Variants in CTNNA3 observed in about 807,000 individuals in gnomAD.
CTNNA3 encodes catenin alpha-3.
A neutral mutation model predicts 95.7 loss-of-function variants in CTNNA3; 76 were observed. That is an observed-to-expected ratio of 0.79 (90% confidence interval 0.66 to 0.96). The LOEUF is 0.96. CTNNA3 is among the 40% of genes least tolerant of loss of function. The pLI is 0.00. For synonymous variants in CTNNA3, 431 were observed against 374.4 expected, an observed-to-expected ratio of 1.15 and a Z score of -1.74; for missense variants, 1,191 against 1,089.8, an observed-to-expected ratio of 1.09 and a Z score of -1.31.
intron 3 of CTNNA3, among the ~76,000 whole-genome samples, chr10:67,598,489 T>C (rs1842989799): frequency 6.6e-6 from 1 of 151,922 alleles, no homozygotes; most frequent in South Asian, 2.1e-4. Context: ...TTCAATGCCT[T>C]CCTTCCGAAG....
intron 9 of CTNNA3, among the ~76,000 whole-genome samples, chr10:66,709,622 T>C (rs1012118238): frequency 6.6e-5 from 10 of 152,146 alleles, no homozygotes; most frequent in African/African-American, 2.4e-4. Context: ...CTTCACTCAC[T>C]TATATTGATT....
At chr10:67,069,631 T>C (rs1279671066) in intron 7 of CTNNA3, among the ~76,000 whole-genome samples, 1 of 129,626 alleles carries the variant, frequency 7.7e-6, no homozygotes, top group Non-Finnish European at 1.6e-5. Context: ...ATACATAGAT[T>C]AGTTCTGTCT....
rs544282940 is a variant in CTNNA3, at chr10:67,330,791, C to T, written c.580-110921G>A. On this transcript the variant is annotated intron_variant, in intron 5 of 17. Transcript: ENST00000433211. ...GATCACTCCCCAAACCTTCCTCAGA[C>T]GATACCTGGGATAAACTGGTATTTC... Among the ~76,000 whole-genome samples the T allele has an allele frequency of 2.0e-5, 3 of 152,058 alleles. No homozygotes were observed. In the South Asian group the frequency reaches 6.2e-4, roughly 32 times the overall value.
chr10:66,894,746 A>T (rs1845406719), intron 7 of CTNNA3, among the ~76,000 whole-genome samples: 1 of 151,968 alleles, frequency 6.6e-6, no homozygotes, highest in Admixed American at 6.6e-5. Flanking sequence ...ATTTTTTCAA[A>T]GCACAACAAG....
chr10:66,884,478 C>A (rs927039093), intron 7 of CTNNA3, among the ~76,000 whole-genome samples: 1 of 152,066 alleles, frequency 6.6e-6, no homozygotes, highest in Admixed American at 6.6e-5. Flanking sequence ...ATTTCACAAA[C>A]CCCATGGGGA....
intron 5 of CTNNA3, among the ~76,000 whole-genome samples, chr10:67,515,821 G>A (rs1235531378): frequency 6.6e-6 from 1 of 152,186 alleles, no homozygotes; most frequent in Admixed American, 6.5e-5. Context: ...GGTCACTGAA[G>A]TTAATCCATG....
intron 7 of CTNNA3, among the ~76,000 whole-genome samples, chr10:67,052,406 T>C (rs1297717806): frequency 1.3e-5 from 2 of 151,814 alleles, no homozygotes; most frequent in Non-Finnish European, 2.9e-5. Flanking sequence ...TGGGCTTCAC[T>C]AGGCTGTCCC....
chr10:67,158,293 G>A (rs1861394925), intron 7 of CTNNA3, among the ~76,000 whole-genome samples: 1 of 152,012 alleles, frequency 6.6e-6, no homozygotes, highest in East Asian at 1.9e-4. Flanking sequence ...AATACTATAG[G>A]CCTGGCACTT....
At chr10:67,318,938 C>A (rs968222169) in intron 5 of CTNNA3, among the ~76,000 whole-genome samples, 2 of 152,234 alleles carry the variant, frequency 1.3e-5, no homozygotes, top group African/African-American at 4.8e-5. Context: ...TGGCTGGCAT[C>A]TAGAAACTTG....
intron 5 of CTNNA3, among the ~76,000 whole-genome samples, chr10:67,289,373 T>C (rs1839738858): frequency 6.6e-6 from 1 of 152,162 alleles, no homozygotes; most frequent in Admixed American, 6.5e-5. Context: ...ACATAAATTA[T>C]CTTAGTAAAT....
rs1201335703 is a variant in CTNNA3, at chr10:66,685,193, G to GTA, written c.1282-63411_1282-63410dup. 4.9e-4 allele frequency among the ~76,000 whole-genome samples: 37 copies of GTA among 75,740 alleles called. 1 individual carries two copies. Among genetic ancestry groups the GTA allele is most frequent in the South Asian group, 2.4e-3 (5 of 2,076 alleles). The allele number at this position is 75,740 out of a possible 152,430, so 49.7% of individuals were successfully genotyped here. A position where few individuals can be genotyped will look rare whatever the true frequency, so the allele number is the denominator to read the frequency against. ...TATATATACACATATATATATACGT[G>GTA]TATATATATATACGTATATATATGT... On this transcript the variant is annotated intron_variant, in intron 9 of 17. Transcript: ENST00000433211.
intron 12 of CTNNA3, among the ~76,000 whole-genome samples, chr10:66,376,289 G>A (rs543080959): frequency 6.6e-6 from 1 of 152,102 alleles, no homozygotes; most frequent in Non-Finnish European, 1.5e-5. Context: ...TCTCTATTAA[G>A]AATTCCTGAC....
chr10:65,999,230 C>T (rs2078723753), intron 15 of CTNNA3, among the ~76,000 whole-genome samples: 1 of 152,162 alleles, frequency 6.6e-6, no homozygotes, highest in African/African-American at 2.4e-5. Flanking sequence ...GAAAGTTCAA[C>T]TTAAATAAAG....
chr10:66,419,619 A>G (rs1022912821), intron 11 of CTNNA3, among the ~76,000 whole-genome samples: 1 of 152,204 alleles, frequency 6.6e-6, no homozygotes, highest in African/African-American at 2.4e-5. Context: ...TGGAGGCATC[A>G]TACTACCTGA....
Position 67,732,329 on chromosome 10 carries a change from T to C in CTNNA3, c.-2+31105A>G, listed in dbSNP as rs117209007. The stretch of plus-strand genomic sequence containing the variant: ...AAACATGTTTATGCATATATAGATA[T>C]GTATTCAGTTAAAATCTTATTTGGG... On this transcript the variant is annotated intron_variant, in intron 1 of 17. Transcript: ENST00000684154. Among the ~76,000 whole-genome samples, 32 of 152,276 alleles carry C rather than the reference T, an allele frequency of 2.1e-4. No individual in the cohort carries two copies. The East Asian group carries it at 2.7e-3, about 13-fold the overall frequency.
chr10:67,550,208 TC>T (rs1840975493), intron 3 of CTNNA3, among the ~76,000 whole-genome samples: 1 of 152,202 alleles, frequency 6.6e-6, no homozygotes, highest in Non-Finnish European at 1.5e-5. Flanking sequence ...TCTTTCAGCT[TC>T]AGTATTCATA....
In CTNNA3 at chr10:67,499,696, C is replaced by T. The variant is rs187922776; in HGVS notation, c.579+22146G>A. Among the ~76,000 whole-genome samples the T allele has an allele frequency of 2.2e-3, 335 of 152,222 alleles. 2 individuals carry two copies. Among genetic ancestry groups the T allele is most frequent in the African/African-American group, 7.6e-3 (316 of 41,540 alleles). The stretch of plus-strand genomic sequence containing the variant: ...GTGTTGAGGAATTTATCCATTTCTT[C>T]GAGATTTTCTAGTTTATTTGTGTAG... On this transcript the variant is annotated intron_variant, in intron 5 of 17. Coordinates refer to ENST00000433211, the MANE Select transcript of CTNNA3 (RefSeq NM_013266.4).
At chr10:67,588,531 G>T (rs1014125600) in intron 3 of CTNNA3, among the ~76,000 whole-genome samples, 49 of 123,320 alleles carry the variant, frequency 4.0e-4, no homozygotes, top group African/African-American at 1.9e-3. Context: ...TTGAATTTAT[G>T]GGGGGGGGAC....
At chr10:66,158,782 T>G (rs538687004) in intron 13 of CTNNA3, among the ~76,000 whole-genome samples, 2 of 152,164 alleles carry the variant, frequency 1.3e-5, no homozygotes, top group Non-Finnish European at 2.9e-5. Context: ...TTCATGAGCA[T>G]AGGACATGTT....
Sources: allele counts gnomAD v4.1 joint callset (sites outside exome capture counted in the v4.1 genomes callset), GRCh38; gene constraint gnomAD v4.1.1; transcripts MANE v1.5; gene names NCBI Gene and HGNC (gene_info 2026-07-23, HGNC 2026-07-21).